The following BTBD7 variants were observed in gnomAD, a reference collection of about 807,000 sequenced individuals.
The protein encoded by BTBD7 is BTB/POZ domain-containing protein 7.
A neutral mutation model predicts 99.9 loss-of-function variants in BTBD7; 38 were observed. That is an observed-to-expected ratio of 0.38 (90% CI 0.29 to 0.50). The LOEUF is 0.50. Among genes scored for constraint, BTBD7 ranks in the 20% least tolerant of loss-of-function variants. The probability of loss-of-function intolerance (pLI) is 0.93; values close to 1 mark genes in which losing one functional copy is unlikely to be tolerated. For synonymous variants in BTBD7, 520 were observed against 511.4 expected, an observed-to-expected ratio of 1.02 and a Z score of -0.23; for missense variants, 1,170 against 1,394.6, an observed-to-expected ratio of 0.84 and a Z score of 2.57.
chr14:93,320,414 C>T (rs963633308), intron 1 of BTBD7, among the ~76,000 whole-genome samples: 1 of 152,142 alleles, frequency 6.6e-6, no homozygotes, highest in Non-Finnish European at 1.5e-5. Flanking sequence ...GACAGTCCTC[C>T]ACAACAAAGA....
intron 3 of BTBD7, among the ~76,000 whole-genome samples, chr14:93,291,333 A>G (rs191803028): frequency 6.6e-6 from 1 of 152,216 alleles, no homozygotes; most frequent in Non-Finnish European, 1.5e-5. Flanking sequence ...TCTTTATTTT[A>G]CAAATGAGAA....
chr14:93,313,673 T>C (rs1418752519), intron 1 of BTBD7, among the ~76,000 whole-genome samples: 1 of 130,564 alleles, frequency 7.7e-6, no homozygotes, highest in African/African-American at 3.0e-5. Context: ...TATCCTAAAA[T>C]GAAACTACAC....
chr14:93,273,480 G>C (rs1342308080), intron 3 of BTBD7, among the ~76,000 whole-genome samples: 1 of 152,152 alleles, frequency 6.6e-6, no homozygotes, highest in Non-Finnish European at 1.5e-5. Context: ...AAAGATATCA[G>C]AACTACAAAG....
At chr14:93,277,321 A>G (rs999581708) in intron 3 of BTBD7, among the ~76,000 whole-genome samples, 2 of 152,190 alleles carry the variant, frequency 1.3e-5, no homozygotes, top group Non-Finnish European at 2.9e-5. Context: ...ATGGGGGGTA[A>G]TGAGAATAGC....
At chr14:93,331,243 AAAGT>A (rs2053400140) in intron 1 of BTBD7, among the ~76,000 whole-genome samples, 1 of 152,198 alleles carries the variant, frequency 6.6e-6, no homozygotes, top group Non-Finnish European at 1.5e-5. Flanking sequence ...CAATCAATGA[AAAGT>A]AAGCAGCTCA....
At chr14:93,323,938 T>C (rs981808785) in intron 1 of BTBD7, among the ~76,000 whole-genome samples, 1 of 152,236 alleles carries the variant, frequency 6.6e-6, no homozygotes, top group African/African-American at 2.4e-5. Flanking sequence ...TATTAGACAC[T>C]GTGCGACATC....
chr14:93,264,262 C>T (rs1018892241), intron 3 of BTBD7, among the ~76,000 whole-genome samples: 1 of 151,954 alleles, frequency 6.6e-6, no homozygotes, highest in African/African-American at 2.4e-5. Context: ...ATGTGCAAAC[C>T]AATAATGTGA....
chr14:93,318,929 G>A (rs2053238646), intron 1 of BTBD7, among the ~76,000 whole-genome samples: 2 of 152,160 alleles, frequency 1.3e-5, no homozygotes, highest in South Asian at 4.1e-4. Flanking sequence ...TAATAAATGA[G>A]GTGCAAGCTA....
At chr14:93,328,749 C>G (rs1420855417) in intron 1 of BTBD7, among the ~76,000 whole-genome samples, 1 of 151,864 alleles carries the variant, frequency 6.6e-6, no homozygotes, top group African/African-American at 2.4e-5. Flanking sequence ...GACCCCATCT[C>G]CTCAGAAAAT....
At chr14:93,267,671 G>A (rs532213835) in intron 3 of BTBD7, among the ~76,000 whole-genome samples, 1 of 152,244 alleles carries the variant, frequency 6.6e-6, no homozygotes, top group African/African-American at 2.4e-5. Context: ...TGGGAAATCT[G>A]GGCCTCTTCA....
chr14:93,329,831 G>T (rs76470531), intron 1 of BTBD7, among the ~76,000 whole-genome samples: 11,970 of 152,244 alleles, frequency 0.079, 1,004 homozygotes, highest in African/African-American at 0.21. Context: ...ATGTAGTCAT[G>T]AGCCTAAGAA....
At chr14:93,254,534 G>A (rs2052408133) in intron 6 of BTBD7, among the ~76,000 whole-genome samples, 2 of 152,168 alleles carry the variant, frequency 1.3e-5, no homozygotes, top group African/African-American at 2.4e-5. Flanking sequence ...CACAGGCTCT[G>A]GGGCAAGGCA....
chr14:93,300,677 A>T (rs1167468494), intron 1 of BTBD7, among the ~76,000 whole-genome samples: 1 of 144,722 alleles, frequency 6.9e-6, no homozygotes, highest in East Asian at 2.1e-4. Flanking sequence ...CTGGGACTAC[A>T]GGCGTGTGCC....
intron 5 of BTBD7, among the ~76,000 whole-genome samples, chr14:93,260,217 A>C (rs1022830822): frequency 1.3e-5 from 2 of 152,214 alleles, no homozygotes; most frequent in African/African-American, 4.8e-5. Context: ...ACTAAAATCC[A>C]CTGACTTGAA....
At chr14:93,323,187 C>G (rs1235908938) in intron 1 of BTBD7, among the ~76,000 whole-genome samples, 1 of 151,352 alleles carries the variant, frequency 6.6e-6, no homozygotes, top group Non-Finnish European at 1.5e-5. Flanking sequence ...GCTTGAGGAT[C>G]GCTTGAGCCC....
intron 3 of BTBD7, among the ~76,000 whole-genome samples, chr14:93,293,301 C>T (rs1389323321): frequency 6.6e-6 from 1 of 150,874 alleles, no homozygotes; most frequent in Non-Finnish European, 1.5e-5. Context: ...GAGTCTAGCG[C>T]TAACTGTGTT....
intron 5 of BTBD7, 113 bp downstream of exon 5, chr14:93,261,489 T>G: frequency 4.7e-6 from 4 of 844,792 alleles, no homozygotes; most frequent in East Asian, 2.4e-5. Flanking sequence ...AAACTTCCAT[T>G]TTCACCAGGC....
intron 1 of BTBD7, among the ~76,000 whole-genome samples, chr14:93,316,303 A>G (rs761848142): frequency 2.7e-5 from 4 of 150,932 alleles, no homozygotes; most frequent in Admixed American, 1.3e-4. Flanking sequence ...TCACTCTGTC[A>G]CTCAGGCTGA....
intron 1 of BTBD7, among the ~76,000 whole-genome samples, chr14:93,300,376 C>T (rs374193190): frequency 4.0e-5 from 6 of 151,358 alleles, no homozygotes; most frequent in Non-Finnish European, 2.9e-5. Context: ...TCCTGCCCCA[C>T]CCTCCTGAGT....
Sources: gnomAD v4.1 joint callset for allele counts (sites outside exome capture counted in the v4.1 genomes callset) on GRCh38, gnomAD v4.1.1 for gene constraint, MANE v1.5 for transcripts, NCBI Gene and HGNC (gene_info 2026-07-23, HGNC 2026-07-21) for gene names.